Variants in ZRANB3 observed in about 807,000 individuals in gnomAD.
The protein encoded by ZRANB3 is DNA annealing helicase and endonuclease ZRANB3.
In ZRANB3, 125 loss-of-function variants were observed where a neutral mutation model predicts 133.8. The ratio of observed to expected loss-of-function variants is 0.93; its 90% CI spans 0.81 to 1.08. The LOEUF (loss-of-function observed/expected upper bound fraction) is 1.08. ZRANB3 is among the 50% of genes least tolerant of loss of function. The pLI is 0.00. For missense variants in ZRANB3, 1,229 were observed against 1,275.5 expected (o/e 0.96, Z 0.56); for synonymous variants, 387 against 432.7 (o/e 0.89, Z 1.31).
intron 2 of ZRANB3, among the ~76,000 whole-genome samples, chr2:135,453,569 C>T (rs1328236993): frequency 6.6e-6 from 1 of 152,202 alleles, no homozygotes; most frequent in East Asian, 1.9e-4. Context: ...ACTCATCTCT[C>T]TCAAGTTCAA....
chr2:135,246,446 A>G (rs1200414829), intron 12 of ZRANB3, among the ~76,000 whole-genome samples: 1 of 152,162 alleles, frequency 6.6e-6, no homozygotes, highest in Non-Finnish European at 1.5e-5. Context: ...TAGTAGATTC[A>G]CTGATTAAAG....
At position 135,208,954 on chromosome 2, in the gene ZRANB3, G is replaced by T; in HGVS notation, c.2520C>A (p.Ala840=). Residue 840 remains alanine (A), a synonymous_variant, in exon 18 of 21, where the codon GCC becomes GCA. Transcript: ENST00000264159. ...TKRYITKEDV[A]VASMDKVKNV... is the part of the protein sequence containing the mutation. The stretch of plus-strand genomic sequence containing the variant: ...TCTTCACTTTGTCCATTGAGGCTAC[G>T]GCAACATCTTCTTTGGTTATGTATC... 1.9e-6 allele frequency: 3 copies of T among 1,613,828 alleles called. No individual in the cohort carries two copies. Among genetic ancestry groups the T allele is most frequent in the South Asian group, 2.2e-5 (2 of 91,072 alleles).
intron 2 of ZRANB3, among the ~76,000 whole-genome samples, chr2:135,395,275 G>A (rs1021979499): frequency 6.6e-6 from 1 of 151,972 alleles, no homozygotes; most frequent in African/African-American, 2.4e-5. Context: ...AATAAATGGT[G>A]CTGGGAAAAC....
intron 2 of ZRANB3, among the ~76,000 whole-genome samples, chr2:135,477,849 T>G (rs1691570410): frequency 6.6e-6 from 1 of 151,880 alleles, no homozygotes; most frequent in Non-Finnish European, 1.5e-5. Context: ...ATTAGCCAGG[T>G]ATGATGGTAT....
intron 20 of ZRANB3, among the ~76,000 whole-genome samples, chr2:135,200,752 G>T (rs1031301777): frequency 1.4e-5 from 2 of 142,872 alleles, no homozygotes; most frequent in African/African-American, 5.5e-5. Context: ...CCAAGTGGGA[G>T]GTTTTTTTTT....
intron 3 of ZRANB3, among the ~76,000 whole-genome samples, chr2:135,385,287 A>T (rs1686914238): frequency 6.6e-6 from 1 of 152,168 alleles, no homozygotes; most frequent in Non-Finnish European, 1.5e-5. Flanking sequence ...CTTACAAGGG[A>T]TGTGAAGGAC....
At chr2:135,294,339 G>C (rs1293638178) in intron 8 of ZRANB3, among the ~76,000 whole-genome samples, 1 of 152,090 alleles carries the variant, frequency 6.6e-6, no homozygotes, top group Non-Finnish European at 1.5e-5. Context: ...TGTATGTGTT[G>C]AGGAATTTAT....
rs749550918 is a variant in ZRANB3 at position 135,207,511 on chromosome 2, G to A, written c.2932C>T (p.Arg978Cys). Residue 978 changes from arginine to cysteine, a missense_variant, in exon 19 of 21, where the codon CGT (arginine) becomes TGT (cysteine). By Grantham distance (180) the Arg-to-Cys change is radical. Transcript: ENST00000264159. ...CNVNAQELFL[R>C]LRDAPKSQRK... ...TGACTTTTAGGGGCATCTCTCAGAC[G>A]TAAAAAGAGTTCTTGTGCGTTCACA... The A allele has an allele frequency of 6.8e-6, 11 of 1,613,858 alleles. No homozygotes were observed. The highest frequency in any genetic ancestry group is 3.3e-5 in the Admixed American group (2 of 59,994).
At chr2:135,373,496 A>T (rs1479534016) in intron 3 of ZRANB3, among the ~76,000 whole-genome samples, 8 of 152,200 alleles carry the variant, frequency 5.3e-5, no homozygotes, top group Non-Finnish European at 1.0e-4. Flanking sequence ...AAGCATAAAA[A>T]GTCATGATGG....
At chr2:135,307,663 T>A (rs571126189) in intron 8 of ZRANB3, among the ~76,000 whole-genome samples, 1 of 152,310 alleles carries the variant, frequency 6.6e-6, no homozygotes, top group Non-Finnish European at 1.5e-5. Context: ...TATTTTGCAA[T>A]TTCTATTGAA....
At chr2:135,319,316 A>G (rs1683409910) in intron 6 of ZRANB3, among the ~76,000 whole-genome samples, 1 of 152,238 alleles carries the variant, frequency 6.6e-6, no homozygotes, top group Non-Finnish European at 1.5e-5. Context: ...TATCACATCT[A>G]TAATGTTTTT....
chr2:135,489,685 A>G (rs1272399914), intron 2 of ZRANB3, among the ~76,000 whole-genome samples: 5 of 151,856 alleles, frequency 3.3e-5, no homozygotes, highest in Non-Finnish European at 7.4e-5. Flanking sequence ...ATGGAAGCAG[A>G]AGAGAGAACA....
At position 135,445,998 on chromosome 2, in the gene ZRANB3, A is replaced by G. The variant is rs559181663; in HGVS notation, c.162-55178T>C. Among the ~76,000 whole-genome samples, 4 of 152,012 alleles carry G rather than the reference A, an allele frequency of 2.6e-5. No individual in the cohort carries two copies. In the South Asian group the frequency reaches 8.3e-4, roughly 32 times the overall value. On this transcript the variant is annotated intron_variant, in intron 2 of 20. Coordinates refer to ENST00000264159, the MANE Select transcript of ZRANB3 (RefSeq NM_032143.4). ...GGCGGGTGGATCACATGAGGTCAGG[A>G]GTTCGAGACCAGCCTGGCCAACATG...
intron 2 of ZRANB3, among the ~76,000 whole-genome samples, chr2:135,493,110 TA>T: frequency 0.031 from 6 of 196 alleles, no homozygotes; most frequent in Non-Finnish European, 0.11. Flanking sequence ...TATATATATA[TA>T]TATATATATA....
intron 17 of ZRANB3, among the ~76,000 whole-genome samples, chr2:135,210,824 A>G (rs1694065264): frequency 6.6e-6 from 1 of 152,096 alleles, no homozygotes; most frequent in African/African-American, 2.4e-5. Context: ...AGTAAGGGGG[A>G]ATATCTTTTC....
chr2:135,389,000 C>T (rs1687105693), intron 3 of ZRANB3, among the ~76,000 whole-genome samples: 1 of 152,092 alleles, frequency 6.6e-6, no homozygotes, highest in East Asian at 1.9e-4. Context: ...ATGGCGTGAA[C>T]CTGGGAGGCG....
chr2:135,268,197 C>T (rs1011287896), intron 11 of ZRANB3, among the ~76,000 whole-genome samples: 27 of 152,122 alleles, frequency 1.8e-4, no homozygotes, highest in Admixed American at 1.8e-3. Flanking sequence ...GCTCTGTCAC[C>T]CAGGCTGGAG....
Position 135,275,347 on chromosome 2 carries a change from A to C in ZRANB3, c.1086+289T>G, listed in dbSNP as rs867432178. Among the ~76,000 whole-genome samples, 450 of 73,804 alleles carry C rather than the reference A, an allele frequency of 6.1e-3. 5 individuals carry two copies. The highest frequency in any genetic ancestry group is 0.024 in the African/African-American group (419 of 17,524). The allele number at this position is 73,804 out of a possible 152,430, so 48.4% of individuals were successfully genotyped here. On this transcript the variant is annotated intron_variant, in intron 9 of 20. Transcript: ENST00000264159. The stretch of plus-strand genomic sequence containing the variant: ...GGGGTGGCTGGCCAGGCGGGGGCTG[A>C]CCCCCACCTCCCTCCCAGATGGGGC...
intron 3 of ZRANB3, among the ~76,000 whole-genome samples, chr2:135,366,377 A>T (rs1685940362): frequency 6.6e-6 from 1 of 152,210 alleles, no homozygotes; most frequent in African/African-American, 2.4e-5. Flanking sequence ...ATGAAAAAGG[A>T]AATAAGCAAG....
Sources: gnomAD v4.1 joint callset for allele counts (sites outside exome capture counted in the v4.1 genomes callset) on GRCh38, gnomAD v4.1.1 for gene constraint, MANE v1.5 for transcripts, NCBI Gene and HGNC (gene_info 2026-07-23, HGNC 2026-07-21) for gene names.